CNTN5: variants seen among roughly 807,000 people sequenced by gnomAD.
CNTN5 encodes the protein contactin 5.
A neutral mutation model predicts 129.1 loss-of-function variants in CNTN5; 77 were observed. The ratio of observed to expected loss-of-function variants is 0.60; its 90% CI spans 0.50 to 0.72. The LOEUF (loss-of-function observed/expected upper bound fraction) is 0.72. Ranked by LOEUF, CNTN5 falls within the 30% of genes least tolerant of loss-of-function variation. CNTN5 has a pLI of 0.00. For missense variants in CNTN5, 1,478 were observed against 1,328.8 expected, an observed-to-expected ratio of 1.11 and a Z score of -1.75; for synonymous variants, 509 against 465.6, an observed-to-expected ratio of 1.09 and a Z score of -1.20.
At chr11:99,819,445 G>T (rs1243794822) in intron 3 of CNTN5, 99 bp from the exon 4 acceptor site, 1 of 998,060 alleles carries the variant, frequency 1.0e-6, no homozygotes, top group African/African-American at 1.6e-5. Flanking sequence ...CAGCTCCAAA[G>T]AAGGTTTTTA....
intron 13 of CNTN5, among the ~76,000 whole-genome samples, chr11:100,162,427 T>G (rs1209913329): frequency 6.6e-6 from 1 of 151,922 alleles, no homozygotes; most frequent in East Asian, 1.9e-4. Flanking sequence ...TATTATTTTA[T>G]TATAAATTAT....
intron 1 of CNTN5, among the ~76,000 whole-genome samples, chr11:99,214,702 T>C (rs1860030696): frequency 6.6e-6 from 1 of 152,074 alleles, no homozygotes; most frequent in Non-Finnish European, 1.5e-5. Flanking sequence ...ATCCACACTG[T>C]AGAATGTTTT....
intron 9 of CNTN5, among the ~76,000 whole-genome samples, chr11:100,043,483 A>T (rs1942483557): frequency 6.6e-6 from 1 of 152,204 alleles, no homozygotes; most frequent in Non-Finnish European, 1.5e-5. Flanking sequence ...AATAAACAGC[A>T]TTAAACTTTC....
At chr11:99,959,961 T>C (rs906625568) in intron 8 of CNTN5, among the ~76,000 whole-genome samples, 6 of 152,066 alleles carry the variant, frequency 3.9e-5, no homozygotes, top group Non-Finnish European at 5.9e-5. Context: ...ATGAATGTAG[T>C]GACATAGAAA....
chr11:100,295,977 C>T (rs1951092059), intron 18 of CNTN5, among the ~76,000 whole-genome samples: 2 of 151,360 alleles, frequency 1.3e-5, no homozygotes, highest in African/African-American at 4.8e-5. Flanking sequence ...GCAGTAATGG[C>T]ATGATATCAC....
At chr11:99,505,472 G>A (rs1946584481) in intron 2 of CNTN5, among the ~76,000 whole-genome samples, 7 of 152,146 alleles carry the variant, frequency 4.6e-5, no homozygotes, top group Admixed American at 1.3e-4. Context: ...AGTTTTTTGA[G>A]AGCTTAATAA....
chr11:99,419,046 T>C (rs999379179), intron 2 of CNTN5, among the ~76,000 whole-genome samples: 2 of 152,126 alleles, frequency 1.3e-5, no homozygotes, highest in African/African-American at 4.8e-5. Context: ...GAATGTCAAG[T>C]TTCTACATAA....
At chr11:99,917,084 C>T (rs1949809970) in intron 7 of CNTN5, among the ~76,000 whole-genome samples, 1 of 152,042 alleles carries the variant, frequency 6.6e-6, no homozygotes, top group Admixed American at 6.6e-5. Context: ...TTTCTTAAGA[C>T]TTCTTTATCT....
At chr11:99,443,333 A>C (rs1943918138) in intron 2 of CNTN5, among the ~76,000 whole-genome samples, 1 of 152,210 alleles carries the variant, frequency 6.6e-6, no homozygotes, top group Admixed American at 6.5e-5. Flanking sequence ...TGTAATTGTG[A>C]ATTATTCAGA....
chr11:99,270,717 A>G lies in CNTN5; in HGVS notation c.-209-54629A>G, dbSNP rs573255009. On this transcript the variant is annotated intron_variant, in intron 1 of 24. Coordinates refer to ENST00000524871, the MANE Select transcript of CNTN5 (RefSeq NM_014361.4). ...GAAACTCTCTGCCAGCCTTCCTAAT[A>G]TTATACCGACATGCTGTCATTCATG... Among the ~76,000 whole-genome samples, 68 of 152,108 alleles carry G rather than the reference A, an allele frequency of 4.5e-4. No homozygotes were observed. The South Asian group carries it at 0.014, about 31-fold the overall frequency.
At chr11:99,229,822 G>A (rs181299728) in intron 1 of CNTN5, among the ~76,000 whole-genome samples, 3 of 151,996 alleles carry the variant, frequency 2.0e-5, no homozygotes, top group Admixed American at 2.0e-4. Flanking sequence ...AGTCTTAATG[G>A]TCACTGTGCT....
At chr11:100,269,359 A>C (rs770805718) in intron 17 of CNTN5, among the ~76,000 whole-genome samples, 49 of 152,216 alleles carry the variant, frequency 3.2e-4, no homozygotes, top group Middle Eastern at 3.2e-3. Flanking sequence ...GACAGTAAGT[A>C]ATAGCACAAA....
At chr11:100,334,812 C>T (rs1328063543) in intron 21 of CNTN5, among the ~76,000 whole-genome samples, 2 of 151,954 alleles carry the variant, frequency 1.3e-5, no homozygotes, top group Non-Finnish European at 2.9e-5. Context: ...TAAAAGTTCT[C>T]GCATTGGGTG....
chr11:100,069,553 G>T (rs745880276), intron 10 of CNTN5, among the ~76,000 whole-genome samples: 1 of 152,002 alleles, frequency 6.6e-6, no homozygotes, highest in Non-Finnish European at 1.5e-5. Context: ...TTTTAGAGCC[G>T]CTCTGTTTCT....
chr11:99,206,278 C>T (rs759809318), intron 1 of CNTN5, among the ~76,000 whole-genome samples: 11 of 152,040 alleles, frequency 7.2e-5, no homozygotes, highest in South Asian at 4.1e-4. Flanking sequence ...TATGTACTGT[C>T]AGGCTTTGCT....
chr11:99,987,107 A>C (rs1482225124), intron 8 of CNTN5, among the ~76,000 whole-genome samples: 3 of 152,174 alleles, frequency 2.0e-5, no homozygotes, highest in Admixed American at 2.0e-4. Context: ...TTGAAATACA[A>C]AAAATGAAAT....
chr11:100,319,968 C>A (rs1055505685), intron 21 of CNTN5, among the ~76,000 whole-genome samples: 1 of 152,136 alleles, frequency 6.6e-6, no homozygotes, highest in Non-Finnish European at 1.5e-5. Context: ...TGTTGATGGA[C>A]AAGATATGAT....
At chr11:99,545,692 T>C (rs1354708736) in intron 2 of CNTN5, among the ~76,000 whole-genome samples, 1 of 152,206 alleles carries the variant, frequency 6.6e-6, no homozygotes, top group Non-Finnish European at 1.5e-5. Context: ...TTGTGCAGAG[T>C]ATATATTCTG....
chr11:99,695,362 A>G (rs1004991200), intron 3 of CNTN5, among the ~76,000 whole-genome samples: 4 of 152,046 alleles, frequency 2.6e-5, no homozygotes, highest in African/African-American at 4.8e-5. Flanking sequence ...TACAGTGTGT[A>G]TATTTTCAAA....
Sources: allele counts gnomAD v4.1 joint callset (sites outside exome capture counted in the v4.1 genomes callset), GRCh38; gene constraint gnomAD v4.1.1; transcripts MANE v1.5; gene names NCBI Gene and HGNC (gene_info 2026-07-23, HGNC 2026-07-21).